Variants in CDK17 observed in about 807,000 individuals in gnomAD.
The protein encoded by CDK17 is cyclin dependent kinase 17, also known as cyclin-dependent kinase 17.
In CDK17, 24 loss-of-function variants were observed where a neutral mutation model predicts 77.6. The ratio of observed to expected loss-of-function variants is 0.31; its 90% CI spans 0.22 to 0.44. The LOEUF (loss-of-function observed/expected upper bound fraction) is 0.44, where lower values mean the gene tolerates loss of function less well. CDK17 is among the 20% of genes least tolerant of loss of function. The pLI is 1.00. For synonymous variants in CDK17, 203 were observed against 210.4 expected (o/e 0.96, Z 0.30); for missense variants, 429 against 622.5 (o/e 0.69, Z 3.31).
intron 1 of CDK17, among the ~76,000 whole-genome samples, chr12:96,386,017 T>C (rs962052236): frequency 1.3e-5 from 2 of 152,180 alleles, no homozygotes; most frequent in Admixed American, 6.5e-5. Context: ...GGAAGGTTTC[T>C]TGGTTTTTGC....
chr12:96,384,609 A>C (rs1259476325), intron 1 of CDK17, among the ~76,000 whole-genome samples: 1 of 152,218 alleles, frequency 6.6e-6, no homozygotes, highest in East Asian at 1.9e-4. Flanking sequence ...TCTTTGCAGC[A>C]ACATGGATGC....
At position 96,371,987 on chromosome 12, in the gene CDK17, GAC is replaced by G. The variant is rs374568876; in HGVS notation, c.-30+27997_-30+27998del. Among the ~76,000 whole-genome samples the G allele has an allele frequency of 8.2e-3, 853 of 104,010 alleles. 17 individuals carry two copies. The highest frequency in any genetic ancestry group is 0.031 in the African/African-American group (815 of 25,892). The allele number at this position is 104,010 out of a possible 152,430, so 68.2% of individuals were successfully genotyped here. A position where few individuals can be genotyped will look rare whatever the true frequency, so the allele number is the denominator to read the frequency against. On this transcript the variant is annotated intron_variant, in intron 1 of 16. Coordinates refer to ENST00000261211, the MANE Select transcript of CDK17 (RefSeq NM_002595.5). ...AAAAGAGGGGGGACGGAGAGAGAGA[GAC>G]AGTGTGTGAGTGAGTGTGTGTTTGT...
chr12:96,358,371 A>T (rs894707520), intron 1 of CDK17, among the ~76,000 whole-genome samples: 3 of 75,310 alleles, frequency 4.0e-5, no homozygotes, highest in South Asian at 6.6e-4. Flanking sequence ...GCAAACTTGT[A>T]AAAAAAAAAA....
intron 1 of CDK17, among the ~76,000 whole-genome samples, chr12:96,343,790 G>T (rs2137158813): frequency 6.6e-6 from 1 of 152,222 alleles, no homozygotes; most frequent in East Asian, 1.9e-4. Flanking sequence ...GTACTACAGT[G>T]GCTAGGTCTC....
chr12:96,352,810 A>C (rs1471971569), intron 1 of CDK17, among the ~76,000 whole-genome samples: 4 of 152,252 alleles, frequency 2.6e-5, no homozygotes, highest in African/African-American at 7.2e-5. Flanking sequence ...TTTCAGTGAC[A>C]ACATTTCAAA....
Position 96,334,734 on chromosome 12 carries a change from T to C in CDK17, c.103A>G (p.Ser35Gly). Reference protein sequence around the residue: ...LAEQMTIEENSSKDNEPIVKN... With the variant: ...LAEQMTIEENGSKDNEPIVKN... Reference sequence around the variant, plus strand: ...AAATATTTACCATTATCCTTGCTGCTGTTTTCTTCAATAGTCATTTGTTCA... The same window carrying C: ...AAATATTTACCATTATCCTTGCTGCCGTTTTCTTCAATAGTCATTTGTTCA... The change falls in exon 2 of 17, where the codon AGC becomes GGC. Residue 35 changes from serine (S) to glycine (G), a missense_variant. Ser to Gly is a moderately conservative substitution (Grantham distance 56). Transcript: ENST00000261211. 1 of 1,589,260 alleles carries C rather than the reference T, an allele frequency of 6.3e-7. No homozygotes were observed. The highest frequency in any genetic ancestry group is 2.2e-5 in the East Asian group (1 of 44,674).
At chr12:96,339,256 T>C (rs1183565881) in intron 1 of CDK17, among the ~76,000 whole-genome samples, 1 of 152,132 alleles carries the variant, frequency 6.6e-6, no homozygotes, top group Non-Finnish European at 1.5e-5. Context: ...AACTGAGCTA[T>C]CCAAAACTGT....
At chr12:96,352,890 T>C (rs1348510107) in intron 1 of CDK17, among the ~76,000 whole-genome samples, 1 of 152,238 alleles carries the variant, frequency 6.6e-6, no homozygotes, top group Non-Finnish European at 1.5e-5. Context: ...ATAGTTTAAT[T>C]GGATCAGACA....
intron 1 of CDK17, among the ~76,000 whole-genome samples, chr12:96,380,506 G>A (rs1953862700): frequency 2.0e-5 from 3 of 151,920 alleles, no homozygotes; most frequent in Admixed American, 2.0e-4. Flanking sequence ...GGCCAGACTG[G>A]TCTTGAACTC....
intron 1 of CDK17, among the ~76,000 whole-genome samples, chr12:96,341,261 C>A (rs1481556252): frequency 3.3e-5 from 5 of 151,772 alleles, no homozygotes; most frequent in Non-Finnish European, 5.9e-5. Flanking sequence ...TCAGAGGGCC[C>A]TTTTCTGACT....
intron 3 of CDK17, among the ~76,000 whole-genome samples, chr12:96,314,467 C>G (rs556456276): frequency 2.0e-5 from 3 of 152,252 alleles, no homozygotes; most frequent in African/African-American, 7.2e-5. Context: ...TTATTGGAAG[C>G]TAAGCATGTG....
At chr12:96,285,000 C>T (rs1592703782) in intron 13 of CDK17, among the ~76,000 whole-genome samples, 1 of 152,172 alleles carries the variant, frequency 6.6e-6, no homozygotes, top group Non-Finnish European at 1.5e-5. Context: ...CCTGTGGATG[C>T]TGCAGTCTAG....
chr12:96,383,035 G>A (rs1305277228), intron 1 of CDK17, among the ~76,000 whole-genome samples: 1 of 152,068 alleles, frequency 6.6e-6, no homozygotes, highest in Non-Finnish European at 1.5e-5. Flanking sequence ...CTGCCAAAAG[G>A]CTCCTAGAAC....
rs201498440 is a variant in CDK17 at position 96,323,903 on chromosome 12, C to T, written c.283+45G>A. 3.1e-5 allele frequency: 44 copies of T among 1,401,594 alleles called. No individual in the cohort carries two copies. The African/African-American group carries it at 4.3e-4, about 14-fold the overall frequency. The allele number at this position is 1,401,594 out of a possible 1,614,324, so 86.8% of individuals were successfully genotyped here. A position where few individuals can be genotyped will look rare whatever the true frequency, so the allele number is the denominator to read the frequency against. Reference sequence around the variant, plus strand: ...AATTAAAACTTAACTATGTGCATGACGTATAATCAGAAAGGTAAACACAAC... The same window carrying T: ...AATTAAAACTTAACTATGTGCATGATGTATAATCAGAAAGGTAAACACAAC... On this transcript the variant is annotated intron_variant, in intron 3 of 16. Coordinates refer to ENST00000261211, the MANE Select transcript of CDK17 (RefSeq NM_002595.5).
At chr12:96,309,582 G>C (rs1288716502) in intron 5 of CDK17, among the ~76,000 whole-genome samples, 1 of 151,982 alleles carries the variant, frequency 6.6e-6, no homozygotes, top group Admixed American at 6.6e-5. Flanking sequence ...AACTGACAAA[G>C]GTCCTGTATA....
intron 2 of CDK17, among the ~76,000 whole-genome samples, chr12:96,327,167 T>C (rs559977431): frequency 2.7e-4 from 41 of 152,312 alleles, no homozygotes; most frequent in Admixed American, 8.5e-4. Context: ...GGTTCTATAG[T>C]TACATAAGAT....
chr12:96,285,262 G>A (rs190941650), intron 13 of CDK17, among the ~76,000 whole-genome samples: 32 of 152,256 alleles, frequency 2.1e-4, no homozygotes, highest in Admixed American at 1.8e-3. Context: ...GTAACAATAA[G>A]AGTACCAACT....
chr12:96,331,444 A>C (rs1021680723), intron 2 of CDK17, among the ~76,000 whole-genome samples: 2 of 152,028 alleles, frequency 1.3e-5, no homozygotes, highest in Admixed American at 6.6e-5. Flanking sequence ...CCTTAAATGA[A>C]CCAAATTTGC....
At position 96,286,089 on chromosome 12, in the gene CDK17, T is replaced by G; in HGVS notation, c.1276A>C (p.Asn426His). 1 of 1,552,210 alleles carries G rather than the reference T, an allele frequency of 6.4e-7. No homozygotes were observed. Among genetic ancestry groups the G allele is most frequent in the Non-Finnish European group, 8.7e-7 (1 of 1,146,584 alleles). ...ISSNEEFKNY[N>H]FPKYKPQPLI... Reference sequence around the variant, plus strand: ...GGCTGTGGTTTATATTTTGGAAAGTTGTAGTTCTTGAACTCCTCATTTGAA... The same window carrying G: ...GGCTGTGGTTTATATTTTGGAAAGTGGTAGTTCTTGAACTCCTCATTTGAA... The change falls in exon 13 of 17, where the codon AAC becomes CAC. Residue 426 changes from asparagine to histidine, a missense_variant. By Grantham distance (68) the Asn-to-His change is moderately conservative. This residue lies in a region of CDK17 where 115 missense variants were observed against 124.2 expected (regional missense o/e 0.93). Transcript: ENST00000261211.
Sources: gnomAD v4.1 joint callset for allele counts (sites outside exome capture counted in the v4.1 genomes callset) on GRCh38, gnomAD v4.1.1 for gene constraint, gnomAD v4.1.1 regional missense constraint, MANE v1.5 for transcripts, NCBI Gene and HGNC (gene_info 2026-07-23, HGNC 2026-07-21) for gene names.